The following PAK1IP1 variants were observed in gnomAD, a reference collection of about 807,000 sequenced individuals.
PAK1IP1 encodes p21-activated protein kinase-interacting protein 1.
PAK1IP1 carries 24 observed loss-of-function variants against 42.0 expected under a neutral mutation model. The observed-to-expected ratio is 0.57, with a 90% CI of 0.41 to 0.80. The LOEUF (loss-of-function observed/expected upper bound fraction) is 0.80, where lower values mean the gene tolerates loss of function less well. Among genes scored for constraint, PAK1IP1 ranks in the 30% least tolerant of loss-of-function variants. The pLI is 0.00. For missense variants in PAK1IP1, 411 were observed against 467.9 expected (o/e 0.88, Z 1.12); for synonymous variants, 154 against 156.7 (o/e 0.98, Z 0.13).
chr6:10,694,001 G>A (rs1191012622), upstream of PAK1IP1, among the ~76,000 whole-genome samples: 1 of 152,172 alleles, frequency 6.6e-6, no homozygotes, highest in Non-Finnish European at 1.5e-5. Flanking sequence ...GCTCACGCCT[G>A]CAATCCCAGC....
chr6:10,692,433 A>G (rs1769406710), upstream of PAK1IP1, among the ~76,000 whole-genome samples: 1 of 152,198 alleles, frequency 6.6e-6, no homozygotes, highest in Non-Finnish European at 1.5e-5. Context: ...GATAACTAGC[A>G]CAAAGTAAAG....
chr6:10,707,550 A>C lies in PAK1IP1; in HGVS notation c.840+36A>C, dbSNP rs1193088911. On this transcript the variant is annotated intron_variant, in intron 8 of 9. Transcript: ENST00000379568. ...CAACACAATCTAAATGTACTTTAATACAAGTCTTGCTCATAAGTGAGGTGG... is the reference window on the plus strand; with the variant it reads ...CAACACAATCTAAATGTACTTTAATCCAAGTCTTGCTCATAAGTGAGGTGG... The C allele has an allele frequency of 5.5e-6, 7 of 1,272,694 alleles. No individual in the cohort carries two copies. In the Admixed American group the frequency reaches 1.0e-4, roughly 18 times the overall value. 78.8% of individuals were successfully genotyped at this position (1,272,694 alleles called of 1,614,324 possible). A position where few individuals can be genotyped will look rare whatever the true frequency, so the allele number is the denominator to read the frequency against.
intron 2 of PAK1IP1, among the ~76,000 whole-genome samples, chr6:10,699,728 A>C (rs1226840061): frequency 1.3e-5 from 2 of 152,214 alleles, no homozygotes; most frequent in African/African-American, 4.8e-5. Context: ...ATTTCAGAGG[A>C]TCCACACCAG....
intron 8 of PAK1IP1, 57 bp from the exon 9 acceptor site, chr6:10,708,896 T>C (rs981488160): frequency 4.5e-5 from 65 of 1,431,050 alleles, no homozygotes; most frequent in Non-Finnish European, 5.8e-5. Context: ...GTAACTTGAT[T>C]ATGGAAAAAG....
intron 2 of PAK1IP1, among the ~76,000 whole-genome samples, chr6:10,699,200 CAAAAAAAAAAAAAA>C (rs796680429): frequency 1.8e-5 from 1 of 55,406 alleles, no homozygotes; most frequent in African/African-American, 5.0e-5. Flanking sequence ...GACTCTGTCT[CAAAAAAAAAAAAAA>C]AAAAAAAAGA....
rs377452903 is a variant in PAK1IP1, at chr6:10,703,456, A to G, written c.495A>G (p.Gln165=). 2 of 1,595,976 alleles carry G rather than the reference A, an allele frequency of 1.3e-6. No homozygotes were observed. The highest frequency in any genetic ancestry group is 1.7e-6 in the Non-Finnish European group (2 of 1,165,090). Residue 165 remains glutamine, a splice_region_variant and synonymous_variant, in exon 5 of 10, where the codon CAA becomes CAG. Transcript: ENST00000379568. Reference sequence around the variant, plus strand: ...CAGCATTCATAAAAAATATAAAACAAAGTGAGTATTTTTGTTTGAAATGCA... The same window carrying G: ...CAGCATTCATAAAAAATATAAAACAGAGTGAGTATTTTTGTTTGAAATGCA... ...GRSAFIKNIK[Q]NAHIVEWSPR... is the part of the protein sequence containing the mutation.
At chr6:10,706,200 T>C (rs1561894511) in intron 7 of PAK1IP1, among the ~76,000 whole-genome samples, 1 of 151,918 alleles carries the variant, frequency 6.6e-6, no homozygotes, top group Admixed American at 6.6e-5. Flanking sequence ...GGGAAGAAGA[T>C]GTGAGACCTT....
chr6:10,693,871 G>C (rs1769583877), upstream of PAK1IP1, among the ~76,000 whole-genome samples: 1 of 152,172 alleles, frequency 6.6e-6, no homozygotes, highest in Non-Finnish European at 1.5e-5. Flanking sequence ...TGAGGCCACA[G>C]GCGGGCGTCG....
In PAK1IP1 at chr6:10,705,893, T is replaced by G. The variant is rs111408366; in HGVS notation, c.740+1049T>G. On this transcript the variant is annotated intron_variant, in intron 7 of 9. Transcript: ENST00000379568. ...GCAGTCAGTAGTATAAAGGCCTTACTCTTCTCCTATATTGGGAAGTGAATA... is the reference window on the plus strand; with the variant it reads ...GCAGTCAGTAGTATAAAGGCCTTACGCTTCTCCTATATTGGGAAGTGAATA... Among the ~76,000 whole-genome samples, 878 of 152,356 alleles carry G rather than the reference T, an allele frequency of 5.8e-3. 8 individuals carry two copies. The highest frequency in any genetic ancestry group is 0.02 in the African/African-American group (834 of 41,578).
At chr6:10,695,907 C>G (rs1487279430) in intron 1 of PAK1IP1, among the ~76,000 whole-genome samples, 1 of 151,720 alleles carries the variant, frequency 6.6e-6, no homozygotes, top group Admixed American at 6.6e-5. Context: ...GTTATTTGCT[C>G]TTTGTCTTTG....
chr6:10,694,936 G>C (rs775777762), upstream of PAK1IP1: 7 of 834,656 alleles, frequency 8.4e-6, no homozygotes, highest in Non-Finnish European at 1.1e-5. Flanking sequence ...TTCCGGTTCT[G>C]TCACCTCCAG....
At position 10,702,204 on chromosome 6, in the gene PAK1IP1, C is replaced by G. The variant is rs1429501310; in HGVS notation, c.248-165C>G. On this transcript the variant is annotated intron_variant, in intron 2 of 9. Transcript: ENST00000379568. ...GCAGTGGGATAAGATCATGCCATAG[C>G]ACTTCAGCCTGGGTAACAAGAGTGA... is the stretch of plus-strand genomic sequence containing the variant. 2.7e-5 allele frequency among the ~76,000 whole-genome samples: 4 copies of G among 148,708 alleles called. No individual in the cohort carries two copies. The Admixed American group carries it at 2.7e-4, about 10-fold the overall frequency.
rs1168279670 is a variant in PAK1IP1, at chr6:10,704,735, CCT to C, written c.643-6_643-5del. ...CATTCTGGATGTTATTACTCTTTTT[CCT>C]CTCTCCTAGGAGTCTGTCCTTGCAG... On this transcript the variant is annotated splice_polypyrimidine_tract_variant and intron_variant, in intron 6 of 9. Transcript: ENST00000379568. 1 of 1,606,414 alleles carries C rather than the reference CCT, an allele frequency of 6.2e-7. No individual in the cohort carries two copies. Among genetic ancestry groups the C allele is most frequent in the Admixed American group, 1.7e-5 (1 of 59,984 alleles).
Position 10,702,597 on chromosome 6 carries a change from C to G in PAK1IP1, c.401C>G (p.Ser134Cys), listed in dbSNP as rs1444149658. ...GQVTFLSIHP[S>C]GKLALSVGTD... ...GTGACCTTCCTTTCTATTCACCCATCTGGCAAGTTGGCCCTGTCGGTTGGT... is the reference window on the plus strand; with the variant it reads ...GTGACCTTCCTTTCTATTCACCCATGTGGCAAGTTGGCCCTGTCGGTTGGT... The change falls in exon 4 of 10, where the codon TCT becomes TGT. Residue 134 changes from serine (S) to cysteine (C), a missense_variant. Transcript: ENST00000379568. 6 of 1,613,858 alleles carry G rather than the reference C, an allele frequency of 3.7e-6. No homozygotes were observed. The highest frequency in any genetic ancestry group is 5.1e-6 in the Non-Finnish European group (6 of 1,179,954).
chr6:10,694,365 G>GC (rs766546010), upstream of PAK1IP1: 1 of 152,994 alleles, frequency 6.5e-6, no homozygotes, highest in Non-Finnish European at 1.5e-5. Flanking sequence ...GAGAAAGTGT[G>GC]CAGGGCTGGG....
upstream of PAK1IP1, among the ~76,000 whole-genome samples, chr6:10,693,524 G>T (rs1473518586): frequency 2.0e-5 from 3 of 152,162 alleles, no homozygotes; most frequent in Admixed American, 6.5e-5. Flanking sequence ...AAAGTTATTG[G>T]AAACAAAAGG....
At position 10,700,788 on chromosome 6, in the gene PAK1IP1, T is replaced by G. The variant is rs554441525; in HGVS notation, c.248-1581T>G. Among the ~76,000 whole-genome samples, 136 of 152,322 alleles carry G rather than the reference T, an allele frequency of 8.9e-4. 1 individual carries two copies. Among genetic ancestry groups the G allele is most frequent in the Non-Finnish European group, 2.4e-4 (16 of 68,028 alleles). On this transcript the variant is annotated intron_variant, in intron 2 of 9. Coordinates refer to ENST00000379568, the MANE Select transcript of PAK1IP1 (RefSeq NM_017906.3). ...AGGGCTCTTGGTTTCTTGGTTTCCTTTATTTCTTGTATAAATCCTTTTTTT... is the reference window on the plus strand; with the variant it reads ...AGGGCTCTTGGTTTCTTGGTTTCCTGTATTTCTTGTATAAATCCTTTTTTT...
At chr6:10,696,094 T>C (rs1158449141) in intron 1 of PAK1IP1, among the ~76,000 whole-genome samples, 1 of 152,188 alleles carries the variant, frequency 6.6e-6, no homozygotes, top group South Asian at 2.1e-4. Flanking sequence ...CCTAGATAGG[T>C]TAAGTGACTG....
intron 5 of PAK1IP1, 60 bp downstream of exon 5, chr6:10,703,517 C>T: frequency 7.7e-7 from 1 of 1,301,308 alleles, no homozygotes; most frequent in Non-Finnish European, 1.1e-6. Flanking sequence ...CTGAAATGCT[C>T]CAAAATCTGA....
Sources: allele counts gnomAD v4.1 joint callset (sites outside exome capture counted in the v4.1 genomes callset), GRCh38; gene constraint gnomAD v4.1.1; transcripts MANE v1.5; gene names NCBI Gene and HGNC (gene_info 2026-07-23, HGNC 2026-07-21).